MAN2A1: variants seen among roughly 807,000 people sequenced by gnomAD.
The protein encoded by MAN2A1 is alpha-mannosidase 2.
A neutral mutation model predicts 142.6 loss-of-function variants in MAN2A1; 76 were observed. The observed-to-expected ratio is 0.53, with a 90% CI of 0.44 to 0.65. The LOEUF (loss-of-function observed/expected upper bound fraction) is 0.65. MAN2A1 is among the 30% of genes least tolerant of loss of function. The pLI, the probability that MAN2A1 is intolerant of heterozygous loss-of-function variation, is 0.00. For synonymous variants in MAN2A1, 559 were observed against 473.2 expected, an observed-to-expected ratio of 1.18 and a Z score of -2.35; for missense variants, 1,311 against 1,365.1, an observed-to-expected ratio of 0.96 and a Z score of 0.62.
intron 9 of MAN2A1, among the ~76,000 whole-genome samples, chr5:109,784,107 A>G (rs917244356): frequency 3.9e-5 from 6 of 152,108 alleles, no homozygotes; most frequent in African/African-American, 1.4e-4. Context: ...TTGGTCTCCC[A>G]AGATGCTAGG....
intron 9 of MAN2A1, among the ~76,000 whole-genome samples, chr5:109,784,416 A>T (rs905409551): frequency 2.0e-5 from 3 of 152,130 alleles, no homozygotes; most frequent in African/African-American, 7.2e-5. Context: ...AGAGAAATTT[A>T]TCCAATTTTT....
At chr5:109,847,864 A>T in intron 19 of MAN2A1, 74 bp downstream of exon 19, 1 of 1,195,284 alleles carries the variant, frequency 8.4e-7, no homozygotes, top group East Asian at 2.9e-5. Context: ...ATGACTTTCC[A>T]CTTTTAAAAT....
At chr5:109,740,132 G>T (rs780939823) in intron 4 of MAN2A1, among the ~76,000 whole-genome samples, 34 of 152,162 alleles carry the variant, frequency 2.2e-4, no homozygotes, top group Non-Finnish European at 4.4e-4. Flanking sequence ...GCATCAGTTT[G>T]TATTGCTTGC....
rs750687971 is a variant in MAN2A1, at chr5:109,855,305, C to T, written c.3142C>T (p.Leu1048=). 6.3e-7 allele frequency: 1 copy of T among 1,596,534 alleles called. No individual in the cohort carries two copies. Among genetic ancestry groups the T allele is most frequent in the South Asian group, 1.2e-5 (1 of 86,884 alleles). ...GTCATCTTTGCCTTGTGACATTCAT[C>T]TGGTTAATTTGAGAACAATACAGTC... ...LQSSLPCDIH[L]VNLRTIQSKV... The change falls in exon 20 of 22, where the codon CTG becomes TTG. Residue 1048 remains leucine (L), a synonymous_variant. Coordinates refer to ENST00000261483, the MANE Select transcript of MAN2A1 (RefSeq NM_002372.4).
intron 4 of MAN2A1, among the ~76,000 whole-genome samples, chr5:109,752,702 G>A (rs1033082047): frequency 6.6e-6 from 1 of 152,196 alleles, no homozygotes; most frequent in Non-Finnish European, 1.5e-5. Context: ...AGATAGGGTA[G>A]AAGAAAATAG....
intron 1 of MAN2A1, among the ~76,000 whole-genome samples, chr5:109,694,640 C>T (rs544553475): frequency 1.3e-5 from 2 of 149,672 alleles, no homozygotes; most frequent in Non-Finnish European, 3.0e-5. Context: ...TGATTCACTG[C>T]TCCCAGTTGC....
chr5:109,731,147 A>C (rs997712232), intron 4 of MAN2A1, among the ~76,000 whole-genome samples: 1 of 152,028 alleles, frequency 6.6e-6, no homozygotes, highest in African/African-American at 2.4e-5. Context: ...ATAAGCATAT[A>C]ATATATAATC....
chr5:109,852,426 C>T lies in MAN2A1; in HGVS notation c.2977-2714C>T, dbSNP rs188759402. ...CATGTTTCAAGTCAAACTGAATAAA[C>T]AAGGGTAACTTAAAAAATGGTCTCT... On this transcript the variant is annotated intron_variant, in intron 19 of 21. Transcript: ENST00000261483. 2.4e-3 allele frequency among the ~76,000 whole-genome samples: 368 copies of T among 152,176 alleles called. 2 individuals carry two copies. The highest frequency in any genetic ancestry group is 8.6e-3 in the African/African-American group (359 of 41,516).
At chr5:109,714,177 C>CTTTTTTTTTTTTTTTT (rs376535285) in intron 2 of MAN2A1, among the ~76,000 whole-genome samples, 1 of 140,626 alleles carries the variant, frequency 7.1e-6, no homozygotes, top group African/African-American at 2.6e-5. Context: ...TAAGGTTAGA[C>CTTTTTTTTTTTTTTTT]TTTTTTTTTT....
chr5:109,711,871 A>G (rs989769672), intron 1 of MAN2A1, among the ~76,000 whole-genome samples: 1 of 150,564 alleles, frequency 6.6e-6, no homozygotes, highest in Admixed American at 6.6e-5. Flanking sequence ...CATCTTAGAG[A>G]TGACAATTGC....
chr5:109,735,584 G>A (rs1561485348), intron 4 of MAN2A1, among the ~76,000 whole-genome samples: 1 of 152,072 alleles, frequency 6.6e-6, no homozygotes, highest in African/African-American at 2.4e-5. Flanking sequence ...GATGAACCCG[G>A]TACCTCAGAT....
chr5:109,782,514 A>T (rs962224457), intron 9 of MAN2A1, among the ~76,000 whole-genome samples: 3 of 152,210 alleles, frequency 2.0e-5, no homozygotes, highest in Admixed American at 2.0e-4. Flanking sequence ...AGTTTTCTCT[A>T]TGTATAGACC....
intron 13 of MAN2A1, 32 bp downstream of exon 13, chr5:109,817,470 T>A (rs1737312480): frequency 1.2e-6 from 2 of 1,606,558 alleles, no homozygotes; most frequent in Non-Finnish European, 8.5e-7. Flanking sequence ...TAAGGAGGCA[T>A]TGTAAAACAA....
intron 4 of MAN2A1, among the ~76,000 whole-genome samples, chr5:109,743,611 A>G (rs1163702427): frequency 6.6e-6 from 1 of 152,130 alleles, no homozygotes; most frequent in African/African-American, 2.4e-5. Flanking sequence ...TGTGACATCC[A>G]GTTAGTCCCT....
intron 6 of MAN2A1, among the ~76,000 whole-genome samples, chr5:109,769,060 C>T (rs1192089868): frequency 2.6e-5 from 4 of 152,022 alleles, no homozygotes; most frequent in East Asian, 3.9e-4. Context: ...AAAAGAGTAG[C>T]GCATAAGGAG....
At chr5:109,730,517 T>C (rs1415155438) in intron 4 of MAN2A1, among the ~76,000 whole-genome samples, 4 of 151,234 alleles carry the variant, frequency 2.6e-5, no homozygotes, top group Non-Finnish European at 4.4e-5. Context: ...GCTTTTTTTC[T>C]TCCTAATTTC....
chr5:109,841,431 T>A (rs1755202188), intron 16 of MAN2A1, among the ~76,000 whole-genome samples: 1 of 152,226 alleles, frequency 6.6e-6, no homozygotes, highest in Non-Finnish European at 1.5e-5. Flanking sequence ...TCACTTAGAA[T>A]AATAGTCTCC....
intron 4 of MAN2A1, among the ~76,000 whole-genome samples, chr5:109,732,125 T>C (rs1355898642): frequency 6.6e-6 from 1 of 151,484 alleles, no homozygotes; most frequent in Non-Finnish European, 1.5e-5. Context: ...ATGGTGAGCA[T>C]TTTTTCATGT....
rs756298566 is a variant in MAN2A1, at chr5:109,774,933, T to C, written c.1342T>C (p.Tyr448His). The change falls in exon 8 of 22, where the codon TAT becomes CAT. Residue 448 changes from tyrosine to histidine, a missense_variant. Around this residue, in one of 3 missense-constraint regions of MAN2A1, gnomAD observed 890 missense variants for 920.5 expected, o/e 0.97. Coordinates refer to ENST00000261483, the MANE Select transcript of MAN2A1 (RefSeq NM_002372.4). ...TAAGAATTATCAGCAGCTTTTTGAT[T>C]ATATGAATTCTCAGTCCAAGTTTAA... ...QFKNYQQLFD[Y>H]MNSQSKFKVK... is the part of the protein sequence containing the mutation. 2.6e-5 allele frequency: 42 copies of C among 1,609,570 alleles called. No homozygotes were observed. Among genetic ancestry groups the C allele is most frequent in the Non-Finnish European group, 3.2e-5 (38 of 1,177,602 alleles).
Sources: gnomAD v4.1 joint callset for allele counts (sites outside exome capture counted in the v4.1 genomes callset) on GRCh38, gnomAD v4.1.1 for gene constraint, gnomAD v4.1.1 regional missense constraint, MANE v1.5 for transcripts, NCBI Gene and HGNC (gene_info 2026-07-23, HGNC 2026-07-21) for gene names.